The following ERI3 variants were observed in gnomAD, a reference collection of about 807,000 sequenced individuals.
The protein encoded by ERI3 is ERI1 exoribonuclease 3.
Under a neutral mutation model 44.4 loss-of-function variants are expected in ERI3, and 18 were observed. The observed-to-expected ratio is 0.41, with a 90% CI of 0.28 to 0.60. The LOEUF (loss-of-function observed/expected upper bound fraction) is 0.60. ERI3 is among the 20% of genes least tolerant of loss of function. The probability of loss-of-function intolerance (pLI) is 0.36; values close to 1 mark genes in which losing one functional copy is unlikely to be tolerated. For synonymous variants in ERI3, 183 were observed against 164.8 expected (o/e 1.11, Z -0.84); for missense variants, 294 against 435.5 (o/e 0.68, Z 2.89).
At chr1:44,297,121 G>A (rs887032348) in intron 6 of ERI3, among the ~76,000 whole-genome samples, 4 of 152,062 alleles carry the variant, frequency 2.6e-5, no homozygotes, top group African/African-American at 4.8e-5. Flanking sequence ...TCAGGCTCCC[G>A]GGATTCTCTG....
At chr1:44,316,282 C>A (rs1646086614) in intron 4 of ERI3, among the ~76,000 whole-genome samples, 2 of 152,120 alleles carry the variant, frequency 1.3e-5, no homozygotes, top group Non-Finnish European at 2.9e-5. Flanking sequence ...AGCTCAGAGA[C>A]CTTAGCCACT....
At chr1:44,239,312 G>C (rs1345909890) in intron 8 of ERI3, among the ~76,000 whole-genome samples, 1 of 152,202 alleles carries the variant, frequency 6.6e-6, no homozygotes, top group Non-Finnish European at 1.5e-5. Context: ...TGACACTGCT[G>C]TGGGGCTGCA....
intron 3 of ERI3, among the ~76,000 whole-genome samples, chr1:44,337,769 AAACC>A (rs1264455527): frequency 6.6e-6 from 1 of 152,140 alleles, no homozygotes; most frequent in Admixed American, 6.5e-5. Flanking sequence ...CTTCCTGAAA[AAACC>A]AACCATGACA....
At chr1:44,240,264 A>C (rs1644404361) in intron 8 of ERI3, among the ~76,000 whole-genome samples, 1 of 152,110 alleles carries the variant, frequency 6.6e-6, no homozygotes, top group African/African-American at 2.4e-5. Flanking sequence ...AGCTCCTGAG[A>C]GCAGGGCCTA....
chr1:44,260,389 G>C (rs1644869892), intron 7 of ERI3, among the ~76,000 whole-genome samples: 1 of 152,242 alleles, frequency 6.6e-6, no homozygotes, highest in South Asian at 2.1e-4. Context: ...ACTGCGGATT[G>C]AGCAGGGGCA....
intron 7 of ERI3, among the ~76,000 whole-genome samples, chr1:44,254,262 C>A (rs1368731371): frequency 6.6e-6 from 1 of 152,134 alleles, no homozygotes; most frequent in Non-Finnish European, 1.5e-5. Flanking sequence ...CCCAGAGCCA[C>A]CCCCTGAGCC....
At chr1:44,328,675 T>C (rs373980941) in intron 3 of ERI3, among the ~76,000 whole-genome samples, 21 of 152,312 alleles carry the variant, frequency 1.4e-4, no homozygotes, top group East Asian at 1.3e-3. Context: ...AGCTCCCAGG[T>C]GATGAGGATG....
intron 4 of ERI3, among the ~76,000 whole-genome samples, chr1:44,315,639 G>A (rs980817232): frequency 4.6e-5 from 7 of 152,240 alleles, no homozygotes; most frequent in Non-Finnish European, 1.0e-4. Context: ...ATGCTTCCCA[G>A]ACAACAGCCA....
intron 7 of ERI3, among the ~76,000 whole-genome samples, chr1:44,260,268 G>C (rs930877391): frequency 6.6e-6 from 1 of 152,230 alleles, no homozygotes; most frequent in Non-Finnish European, 1.5e-5. Context: ...TGAGAGGAGG[G>C]AAGTTCTCAG....
chr1:44,225,600 A>G (rs745379009), intron 8 of ERI3, among the ~76,000 whole-genome samples: 3 of 152,214 alleles, frequency 2.0e-5, no homozygotes, highest in Non-Finnish European at 2.9e-5. Context: ...TAGTGGGGCT[A>G]GCACCTTACA....
chr1:44,331,814 C>T (rs1215137899), intron 3 of ERI3, among the ~76,000 whole-genome samples: 1 of 152,186 alleles, frequency 6.6e-6, no homozygotes, highest in Non-Finnish European at 1.5e-5. Context: ...TGAATGGCCT[C>T]AGGTCCACTT....
chr1:44,325,544 T>C (rs1646294697), intron 3 of ERI3, among the ~76,000 whole-genome samples: 1 of 152,182 alleles, frequency 6.6e-6, no homozygotes, highest in Non-Finnish European at 1.5e-5. Context: ...CCAACTGAAG[T>C]GTCTGCAGAA....
intron 6 of ERI3, among the ~76,000 whole-genome samples, chr1:44,290,644 C>T (rs77931915): frequency 3.9e-4 from 59 of 152,148 alleles, no homozygotes; most frequent in Non-Finnish European, 7.8e-4. Context: ...CTACTCCAGC[C>T]GAGGCAGCAC....
At chr1:44,308,163 C>G in intron 6 of ERI3, 147 bp downstream of exon 6, 1 of 671,716 alleles carries the variant, frequency 1.5e-6, no homozygotes, top group Admixed American at 2.3e-5. Context: ...GAAGGCAGGG[C>G]TCCCAACCGT....
chr1:44,320,803 C>T (rs1321540052), intron 3 of ERI3, among the ~76,000 whole-genome samples: 2 of 151,486 alleles, frequency 1.3e-5, no homozygotes, highest in African/African-American at 4.8e-5. Flanking sequence ...CTGGAAGAGA[C>T]AAATAGGAAA....
At chr1:44,303,160 C>T (rs1185386853) in intron 6 of ERI3, among the ~76,000 whole-genome samples, 1 of 152,232 alleles carries the variant, frequency 6.6e-6, no homozygotes, top group Non-Finnish European at 1.5e-5. Context: ...GGACCAAGCT[C>T]CTCCTCCCTG....
chr1:44,318,037 G>A (rs1003366506), intron 4 of ERI3, among the ~76,000 whole-genome samples: 2 of 152,164 alleles, frequency 1.3e-5, no homozygotes, highest in Non-Finnish European at 1.5e-5. Flanking sequence ...TCCAAATTAT[G>A]TATGTGCATC....
At chr1:44,295,768 T>A (rs1311643776) in intron 6 of ERI3, among the ~76,000 whole-genome samples, 1 of 152,220 alleles carries the variant, frequency 6.6e-6, no homozygotes, top group Non-Finnish European at 1.5e-5. Context: ...TGGCCAATCT[T>A]TGGGAAAAAT....
At chr1:44,272,116 C>T (rs1304911091) in intron 7 of ERI3, among the ~76,000 whole-genome samples, 1 of 152,164 alleles carries the variant, frequency 6.6e-6, no homozygotes, top group African/African-American at 2.4e-5. Flanking sequence ...ATAGTGCTAC[C>T]ATTTTATCCT....
Sources: allele counts gnomAD v4.1 joint callset (sites outside exome capture counted in the v4.1 genomes callset), GRCh38; gene constraint gnomAD v4.1.1; transcripts MANE v1.5; gene names NCBI Gene and HGNC (gene_info 2026-07-23, HGNC 2026-07-21).